Variants in CAMK2B observed in about 807,000 individuals in gnomAD.
The protein encoded by CAMK2B is calcium/calmodulin dependent protein kinase II beta.
In CAMK2B, 27 loss-of-function variants were observed where a neutral mutation model predicts 93.7. The ratio of observed to expected loss-of-function variants is 0.29; its 90% confidence interval spans 0.21 to 0.40. The LOEUF (loss-of-function observed/expected upper bound fraction) is 0.40. Ranked by LOEUF, CAMK2B falls within the 10% of genes least tolerant of loss-of-function variation. The pLI is 1.00. For synonymous variants in CAMK2B, 374 were observed against 358.8 expected, an observed-to-expected ratio of 1.04 and a Z score of -0.48; for missense variants, 568 against 895.8, an observed-to-expected ratio of 0.63 and a Z score of 4.67.
chr7:44,279,993 A>G (rs1562999450), intron 2 of CAMK2B, among the ~76,000 whole-genome samples: 1 of 152,096 alleles, frequency 6.6e-6, no homozygotes, highest in Non-Finnish European at 1.5e-5. Flanking sequence ...CCCACCCAGC[A>G]CACAGCGTCG....
intron 1 of CAMK2B, among the ~76,000 whole-genome samples, chr7:44,294,903 T>A (rs950895669): frequency 2.6e-5 from 4 of 152,208 alleles, no homozygotes; most frequent in Non-Finnish European, 5.9e-5. Flanking sequence ...TGGCAGATGC[T>A]GATGGTGTAT....
intron 2 of CAMK2B, among the ~76,000 whole-genome samples, chr7:44,270,748 C>G (rs1180350082): frequency 6.6e-6 from 1 of 152,220 alleles, no homozygotes; most frequent in African/African-American, 2.4e-5. Flanking sequence ...AGCCACCCCC[C>G]ATCCCCACAG....
chr7:44,296,757 G>A (rs1788429684), intron 1 of CAMK2B, among the ~76,000 whole-genome samples: 1 of 152,240 alleles, frequency 6.6e-6, no homozygotes, highest in African/African-American at 2.4e-5. Context: ...CAAGAGGAGA[G>A]TGGAGTAAAA....
chr7:44,221,014 C>G (rs945237039), intron 20 of CAMK2B, 113 bp from the exon 21 acceptor site: 1 of 842,072 alleles, frequency 1.2e-6, no homozygotes, highest in Non-Finnish European at 1.9e-6. Context: ...ATGCCGTGTT[C>G]CTGCCGCTAT....
intron 5 of CAMK2B, among the ~76,000 whole-genome samples, chr7:44,250,124 G>A (rs2096766408): frequency 6.6e-6 from 1 of 152,232 alleles, no homozygotes; most frequent in Non-Finnish European, 1.5e-5. Context: ...ACAACGCTGG[G>A]CCAGGCTGCA....
chr7:44,234,492 T>C (rs761369427), intron 14 of CAMK2B, 31 bp from the exon 15 acceptor site: 5 of 1,574,782 alleles, frequency 3.2e-6, no homozygotes, highest in Non-Finnish European at 4.3e-6. Context: ...AACTCTTAGG[T>C]GGGAGAAGCC....
intron 2 of CAMK2B, among the ~76,000 whole-genome samples, chr7:44,269,765 G>A (rs2096955949): frequency 6.6e-6 from 1 of 152,142 alleles, no homozygotes. Flanking sequence ...CTCGCCCAAG[G>A]GCCTCTGGAG....
At chr7:44,275,401 G>A (rs1017367421) in intron 2 of CAMK2B, among the ~76,000 whole-genome samples, 3 of 152,218 alleles carry the variant, frequency 2.0e-5, no homozygotes, top group Non-Finnish European at 4.4e-5. Context: ...AGCACCCTCC[G>A]CGCAGCCCGG....
intron 15 of CAMK2B, among the ~76,000 whole-genome samples, chr7:44,233,324 G>C (rs1449253330): frequency 2.6e-5 from 4 of 152,072 alleles, no homozygotes; most frequent in Admixed American, 6.5e-5. Flanking sequence ...CTGGCTGTGA[G>C]GCTGGCACGT....
Position 44,220,757 on chromosome 7 carries a change from C to T in CAMK2B, c.1674-47G>A, listed in dbSNP as rs1456281469. The T allele has an allele frequency of 3.2e-5, 50 of 1,572,694 alleles. No homozygotes were observed. In the Admixed American group the frequency reaches 9.2e-4, roughly 29 times the overall value. ...GGAGGGGCCCCGTGGACCCCTGACT[C>T]TGAGCAGGCCCCCCCAAGGGTCCCA... is the stretch of plus-strand genomic sequence containing the variant. On this transcript the variant is annotated intron_variant, in intron 21 of 23. Coordinates refer to ENST00000395749, the MANE Select transcript of CAMK2B (RefSeq NM_001220.5).
intron 6 of CAMK2B, among the ~76,000 whole-genome samples, chr7:44,244,676 T>C (rs985130866): frequency 1.3e-5 from 2 of 151,396 alleles, no homozygotes; most frequent in African/African-American, 4.9e-5. Flanking sequence ...ACCTCAGAGA[T>C]CTTGAAATGT....
intron 20 of CAMK2B, among the ~76,000 whole-genome samples, chr7:44,222,058 G>A (rs2096414445): frequency 6.6e-6 from 1 of 152,140 alleles, no homozygotes; most frequent in Admixed American, 6.5e-5. Context: ...GGATATATAC[G>A]CAGGCACGCA....
At chr7:44,284,649 C>T (rs1007926931) in intron 1 of CAMK2B, among the ~76,000 whole-genome samples, 5 of 152,234 alleles carry the variant, frequency 3.3e-5, no homozygotes, top group Non-Finnish European at 7.3e-5. Flanking sequence ...CTCTGTACCA[C>T]GTCCATGAGG....
chr7:44,227,940 G>A (rs1006952708), intron 19 of CAMK2B, among the ~76,000 whole-genome samples: 8 of 134,530 alleles, frequency 5.9e-5, no homozygotes, highest in Non-Finnish European at 8.0e-5. Context: ...TAGGCTGACC[G>A]AGGGGGATAT....
rs565031169 is a variant in CAMK2B at position 44,324,458 on chromosome 7, A to G, written c.65+899T>C. Among the ~76,000 whole-genome samples, 43 of 152,212 alleles carry G rather than the reference A, an allele frequency of 2.8e-4. 1 individual carries two copies. Among genetic ancestry groups the G allele is most frequent in the African/African-American group, 9.4e-4 (39 of 41,530 alleles). On this transcript the variant is annotated intron_variant, in intron 1 of 23. Transcript: ENST00000395749. ...ACAGGAGGCCCCTGAGGCGCTCCCC[A>G]TCTCACCCCAGGGGCAAAGCCGGGT... is the stretch of plus-strand genomic sequence containing the variant.
In CAMK2B at chr7:44,239,694, G is replaced by A. The variant is rs996543044; in HGVS notation, c.947-31C>T. On this transcript the variant is annotated intron_variant, in intron 12 of 23. Coordinates refer to ENST00000395749, the MANE Select transcript of CAMK2B (RefSeq NM_001220.5). ...AGCACCGGGTTAGAGACGAGGGGAA[G>A]GGAGGGGTGGGCGGACACAGACGAG... 6 of 1,491,430 alleles carry A rather than the reference G, an allele frequency of 4.0e-6. No homozygotes were observed. The African/African-American group carries it at 8.3e-5, about 21-fold the overall frequency. The allele number at this position is 1,491,430 out of a possible 1,614,324, so 92.4% of individuals were successfully genotyped here.
At chr7:44,298,039 A>C (rs1434588170) in intron 1 of CAMK2B, among the ~76,000 whole-genome samples, 1 of 152,126 alleles carries the variant, frequency 6.6e-6, no homozygotes, top group Non-Finnish European at 1.5e-5. Context: ...CAGGAGAATC[A>C]CTTGAACCCG....
intron 19 of CAMK2B, among the ~76,000 whole-genome samples, chr7:44,227,701 A>G (rs1318412867): frequency 2.7e-4 from 1 of 3,674 alleles, no homozygotes; most frequent in South Asian, 0.019. Flanking sequence ...AAGGGCGTGA[A>G]GGGACCAAGG....
intron 3 of CAMK2B, chr7:44,259,435 C>A (rs903303279): frequency 1.9e-5 from 3 of 160,452 alleles, no homozygotes; most frequent in Admixed American, 5.8e-5. Context: ...TCCGCTGTGT[C>A]CTGCCAGCAC....
Sources: gnomAD v4.1 joint callset for allele counts (sites outside exome capture counted in the v4.1 genomes callset) on GRCh38, gnomAD v4.1.1 for gene constraint, MANE v1.5 for transcripts, NCBI Gene and HGNC (gene_info 2026-07-23, HGNC 2026-07-21) for gene names.